CACNA1A: variants seen among roughly 807,000 people sequenced by gnomAD.
CACNA1A encodes calcium voltage-gated channel subunit alpha1 A, also known as voltage-dependent P/Q-type calcium channel subunit alpha-1A.
Under a neutral mutation model 262.4 loss-of-function variants are expected in CACNA1A, and 57 were observed. That is an observed-to-expected ratio of 0.22 (90% CI 0.18 to 0.27). CACNA1A has a LOEUF of 0.27. Among genes scored for constraint, CACNA1A ranks in the 10% least tolerant of loss-of-function variants. The pLI is 1.00. For synonymous variants in CACNA1A, 1,431 were observed against 1,419.3 expected (o/e 1.01, Z -0.18); for missense variants, 2,526 against 3,562.8 (o/e 0.71, Z 7.41).
In CACNA1A at chr19:13,286,750, G is replaced by T. The variant is rs769289195; in HGVS notation, c.3306C>A (p.Asp1102Glu). The change falls in exon 20 of 47, where the codon GAC (aspartate) becomes GAA (glutamate). Residue 1102 changes from aspartate to glutamate, a missense_variant. This residue lies in a region of CACNA1A where 765 missense variants were observed against 748.6 expected (regional missense o/e 1.02). Coordinates refer to ENST00000360228, the MANE Select transcript of CACNA1A (RefSeq NM_001127222.2). ...CAGGGATGGCCAGCATGGGGCCGGGGTCGGTGCTGTTTCCCATCTTGGCTG... is the reference window on the plus strand; with the variant it reads ...CAGGGATGGCCAGCATGGGGCCGGGTTCGGTGCTGTTTCCCATCTTGGCTG... ...QSPAKMGNSTDPGPMLAIPAM... is the reference protein window; with the variant it reads ...QSPAKMGNSTEPGPMLAIPAM... 1.2e-6 allele frequency: 2 copies of T among 1,609,114 alleles called. No homozygotes were observed. The highest frequency in any genetic ancestry group is 1.7e-6 in the Non-Finnish European group (2 of 1,177,990).
At chr19:13,210,681 C>G in intron 43 of CACNA1A, 29 bp from the exon 44 acceptor site, 1 of 1,552,788 alleles carries the variant, frequency 6.4e-7, no homozygotes, top group Non-Finnish European at 8.7e-7. Context: ...ATGGTGCACA[C>G]AGAAAAAACA....
chr19:13,444,250 G>A (rs189813646), intron 3 of CACNA1A, among the ~76,000 whole-genome samples: 4 of 152,308 alleles, frequency 2.6e-5, no homozygotes, highest in African/African-American at 7.2e-5. Flanking sequence ...GATCCATGGA[G>A]GGGAGAAACT....
intron 10 of CACNA1A, among the ~76,000 whole-genome samples, chr19:13,318,174 C>T (rs953257467): frequency 3.3e-5 from 5 of 151,970 alleles, no homozygotes; most frequent in Non-Finnish European, 7.4e-5. Context: ...GGACTGGGAG[C>T]CCTTGGAGAG....
At chr19:13,347,835 A>AG (rs1408483710) in intron 6 of CACNA1A, among the ~76,000 whole-genome samples, 2 of 152,254 alleles carry the variant, frequency 1.3e-5, no homozygotes, top group African/African-American at 4.8e-5. Flanking sequence ...AACATCTATG[A>AG]ATGAAAAAGG....
At chr19:13,249,584 G>A (rs2056341376) in intron 30 of CACNA1A, among the ~76,000 whole-genome samples, 1 of 152,000 alleles carries the variant, frequency 6.6e-6, no homozygotes, top group African/African-American at 2.4e-5. Context: ...CAGACTCCTG[G>A]GCTCAAGCGA....
chr19:13,331,165 C>T (rs563163494), intron 9 of CACNA1A, among the ~76,000 whole-genome samples: 34 of 152,268 alleles, frequency 2.2e-4, no homozygotes, highest in African/African-American at 7.2e-4. Context: ...CCTTCTGGGA[C>T]GCAGTGCCAG....
At chr19:13,287,708 G>GC (rs2057436658) in intron 19 of CACNA1A, among the ~76,000 whole-genome samples, 1 of 151,584 alleles carries the variant, frequency 6.6e-6, no homozygotes, top group Non-Finnish European at 1.5e-5. Flanking sequence ...CACCATTTTG[G>GC]CCAGGCTGGT....
intron 1 of CACNA1A, among the ~76,000 whole-genome samples, chr19:13,467,269 A>G (rs1237423814): frequency 1.3e-5 from 2 of 151,878 alleles, no homozygotes; most frequent in East Asian, 3.9e-4. Context: ...GCTTTTAAAA[A>G]ACCACACAAA....
Position 13,298,750 on chromosome 19 carries a change from G to A in CACNA1A, c.2883C>T (p.His961=), listed in dbSNP as rs1402547467. The A allele has an allele frequency of 2.6e-6, 4 of 1,510,606 alleles. No homozygotes were observed. In the South Asian group the frequency reaches 3.7e-5, roughly 14 times the overall value. The allele number at this position is 1,510,606 out of a possible 1,614,324, so 93.6% of individuals were successfully genotyped here. The change falls in exon 19 of 47, where the codon CAC becomes CAT. Residue 961 remains histidine (H), a synonymous_variant. Transcript: ENST00000360228. ...ADGEHRRHRA[H]RRPGEEGPED... is the part of the protein sequence containing the mutation. ...CCGGACCCTCCTCCCCGGGCCTGCG[G>A]TGCGCGCGATGACGTCGATGCTCCC... is the stretch of plus-strand genomic sequence containing the variant.
chr19:13,473,454 G>A (rs989251100), intron 1 of CACNA1A, among the ~76,000 whole-genome samples: 1 of 152,164 alleles, frequency 6.6e-6, no homozygotes, highest in African/African-American at 2.4e-5. Flanking sequence ...CACTGCTGAT[G>A]CCTTGATTTT....
intron 3 of CACNA1A, among the ~76,000 whole-genome samples, chr19:13,434,520 C>G (rs1268905776): frequency 6.6e-6 from 1 of 152,142 alleles, no homozygotes; most frequent in Non-Finnish European, 1.5e-5. Flanking sequence ...AGATTTCCGC[C>G]TTGGTGCTAT....
chr19:13,385,243 T>A lies in CACNA1A; in HGVS notation c.540-13464A>T, dbSNP rs544606359. ...TATTCTTTCTTTCTTTTTTTTTTTT[T>A]TTTTGAGACAGGGTCTCATTCTGTT... On this transcript the variant is annotated intron_variant, in intron 3 of 46. Transcript: ENST00000360228. Among the ~76,000 whole-genome samples the A allele has an allele frequency of 5.3e-5, 8 of 150,948 alleles. No homozygotes were observed. In the East Asian group the frequency reaches 1.5e-3, roughly 29 times the overall value.
intron 10 of CACNA1A, among the ~76,000 whole-genome samples, chr19:13,321,828 A>G (rs1030617012): frequency 1.3e-5 from 2 of 152,100 alleles, no homozygotes; most frequent in Admixed American, 1.3e-4. Context: ...GGCCTAGGAT[A>G]TTATTGTACA....
intron 3 of CACNA1A, among the ~76,000 whole-genome samples, chr19:13,413,287 C>T (rs569894037): frequency 0.01 from 1,534 of 150,996 alleles, 9 homozygotes; most frequent in South Asian, 0.025. Context: ...TTTGTATTTT[C>T]AGTAGAGATG....
intron 36 of CACNA1A, chr19:13,228,654 C>T (rs768397350): frequency 1.2e-6 from 1 of 829,260 alleles, no homozygotes. Flanking sequence ...AACCCCAAGC[C>T]ACACTCATTC....
chr19:13,395,145 G>A (rs989585757), intron 3 of CACNA1A, among the ~76,000 whole-genome samples: 6 of 148,800 alleles, frequency 4.0e-5, no homozygotes, highest in East Asian at 2.0e-4. Context: ...ATGGTGGCGC[G>A]CACCTCTAGT....
intron 3 of CACNA1A, chr19:13,451,997 T>G (rs568963339): frequency 6.6e-6 from 1 of 151,996 alleles, no homozygotes; most frequent in Non-Finnish European, 1.5e-5. Flanking sequence ...TAATTTTTAT[T>G]TTATTTTATG....
chr19:13,338,830 C>T (rs10419230), intron 6 of CACNA1A, among the ~76,000 whole-genome samples: 102,940 of 151,918 alleles, frequency 0.68, 35,024 homozygotes, highest in Admixed American at 0.76. Context: ...TTATAATCCG[C>T]GGATTTTTCT....
In CACNA1A at chr19:13,308,386, T is replaced by C; in HGVS notation, c.1781+30A>G. 6.5e-7 allele frequency: 1 copy of C among 1,540,896 alleles called. No individual in the cohort carries two copies. Among genetic ancestry groups the C allele is most frequent in the Non-Finnish European group, 8.9e-7 (1 of 1,122,260 alleles). The stretch of plus-strand genomic sequence containing the variant: ...CCATGTCCCCCATCCCCACCCCCTG[T>C]ACAAATGTCCAGGAACCCCAAAGAC... On this transcript the variant is annotated intron_variant, in intron 13 of 46. Transcript: ENST00000360228. This position sits in a 1 kb window ranked among gnomAD's most constrained non-coding sequence, Gnocchi z 4.2.
Sources: allele counts gnomAD v4.1 joint callset (sites outside exome capture counted in the v4.1 genomes callset), GRCh38; gene constraint gnomAD v4.1.1; regional missense constraint gnomAD v4.1.1; non-coding constraint Gnocchi (gnomAD v3.1); transcripts MANE v1.5; gene names NCBI Gene and HGNC (gene_info 2026-07-23, HGNC 2026-07-21).